The following BCAS3 variants were observed in gnomAD, a reference collection of about 807,000 sequenced individuals.
BCAS3 encodes the protein BCAS4/BCAS3 fusion.
BCAS3 carries 53 observed loss-of-function variants against 116.1 expected under a neutral mutation model. The observed-to-expected ratio is 0.46, with a 90% CI of 0.37 to 0.57. The LOEUF (loss-of-function observed/expected upper bound fraction) is 0.57, where lower values mean the gene tolerates loss of function less well. Among genes scored for constraint, BCAS3 ranks in the 20% least tolerant of loss-of-function variants. BCAS3 has a pLI of 0.00. For missense variants in BCAS3, 917 were observed against 1,165.4 expected (o/e 0.79, Z 3.10); for synonymous variants, 391 against 408.2 (o/e 0.96, Z 0.51).
chr17:60,752,155 G>GGGGT (rs1555694080), intron 6 of BCAS3, among the ~76,000 whole-genome samples: 2 of 144,678 alleles, frequency 1.4e-5, no homozygotes, highest in East Asian at 4.1e-4. Context: ...TTGGCTGAAG[G>GGGGT]GTGTGTGTGT....
chr17:61,038,684 T>C (rs2067256329), intron 18 of BCAS3, among the ~76,000 whole-genome samples: 1 of 147,970 alleles, frequency 6.8e-6, no homozygotes, highest in African/African-American at 2.5e-5. Flanking sequence ...TTTTTTTTTT[T>C]TTTGGAGACA....
chr17:60,969,694 A>G (rs2061849788), intron 14 of BCAS3, among the ~76,000 whole-genome samples: 1 of 152,242 alleles, frequency 6.6e-6, no homozygotes, highest in Non-Finnish European at 1.5e-5. Context: ...CAAACAACAC[A>G]TAAGATTAAG....
intron 6 of BCAS3, among the ~76,000 whole-genome samples, chr17:60,801,725 T>C (rs905506625): frequency 5.3e-5 from 8 of 152,220 alleles, no homozygotes; most frequent in South Asian, 4.1e-4. Flanking sequence ...GTGTTATCAC[T>C]GTCTTGAAAC....
chr17:60,684,058 C>T (rs746955029), intron 3 of BCAS3, 22 bp downstream of exon 3: 30 of 1,610,316 alleles, frequency 1.9e-5, no homozygotes, highest in Non-Finnish European at 2.5e-5. Flanking sequence ...TATGTGCTTT[C>T]GCCTTTCCCT....
rs146565292 is a variant in BCAS3 at position 61,314,741 on chromosome 17, C to G, written c.2426-53586C>G. Among the ~76,000 whole-genome samples, 358 of 152,296 alleles carry G rather than the reference C, an allele frequency of 2.4e-3. 4 individuals carry two copies. The highest frequency in any genetic ancestry group is 8.4e-3 in the African/African-American group (349 of 41,568). ...GTAAATCAAAACACAGGTCTTATCTCCCTATTCTCTCCCCTCTGTTGTGTG... is the reference window on the plus strand; with the variant it reads ...GTAAATCAAAACACAGGTCTTATCTGCCTATTCTCTCCCCTCTGTTGTGTG... On this transcript the variant is annotated intron_variant, in intron 22 of 23. Coordinates refer to ENST00000407086, the MANE Select transcript of BCAS3 (RefSeq NM_017679.5).
chr17:60,840,054 A>C (rs918850231), intron 7 of BCAS3, among the ~76,000 whole-genome samples: 28 of 152,092 alleles, frequency 1.8e-4, no homozygotes, highest in African/African-American at 5.5e-4. Flanking sequence ...TAAAAAAAAA[A>C]CCCTCTATTT....
In BCAS3 at chr17:61,156,256, GTCT is replaced by G. The variant is rs1276899499; in HGVS notation, c.2425+71697_2425+71699del. Among the ~76,000 whole-genome samples, 1 of 151,944 alleles carries G rather than the reference GTCT, an allele frequency of 6.6e-6. No individual in the cohort carries two copies. The highest frequency in any genetic ancestry group is 2.1e-4 in the South Asian group (1 of 4,816). On this transcript the variant is annotated intron_variant, in intron 22 of 23. Transcript: ENST00000407086. The surrounding 1 kb of genome is among the most constrained non-coding windows in gnomAD (Gnocchi z 4.7). Reference sequence around the variant, plus strand: ...AGTTTGGGTCAATGTATTCATTTTGGTCTTCTTTTCAGGGATTGGAATTGAGCC... The same window carrying G: ...AGTTTGGGTCAATGTATTCATTTTGGTCTTTTCAGGGATTGGAATTGAGCC...
chr17:60,854,223 T>C (rs1376142518), intron 7 of BCAS3, among the ~76,000 whole-genome samples: 1 of 152,218 alleles, frequency 6.6e-6, no homozygotes, highest in Non-Finnish European at 1.5e-5. Flanking sequence ...ACAAAGGACA[T>C]GAACTCATCC....
rs559645912 is a variant in BCAS3 at position 60,964,214 on chromosome 17, T to C, written c.1221+16862T>C. ...ATTATTTTGAAGTATGTTGTTTCTATACCCATTTTGATTAGGGGTTTTTTT... is the reference window on the plus strand; with the variant it reads ...ATTATTTTGAAGTATGTTGTTTCTACACCCATTTTGATTAGGGGTTTTTTT... On this transcript the variant is annotated intron_variant, in intron 14 of 23. Transcript: ENST00000407086. This position sits in a 1 kb window ranked among gnomAD's most constrained non-coding sequence, Gnocchi z 4.6. Among the ~76,000 whole-genome samples the C allele has an allele frequency of 6.6e-6, 1 of 152,218 alleles. No homozygotes were observed. The highest frequency in any genetic ancestry group is 1.5e-5 in the Non-Finnish European group (1 of 68,030).
At chr17:61,044,465 A>AAAAAAAAAAAAAATATATATATATATAT in intron 19 of BCAS3, among the ~76,000 whole-genome samples, 2 of 120,126 alleles carry the variant, frequency 1.7e-5, no homozygotes, top group African/African-American at 1.0e-4. Context: ...AAAAAAAAAA[A>AAAAAAAAAAAAAATATATATATATATAT]ATATATATAT....
At chr17:61,146,881 A>T (rs970943666) in intron 22 of BCAS3, among the ~76,000 whole-genome samples, 3 of 152,116 alleles carry the variant, frequency 2.0e-5, no homozygotes, top group Non-Finnish European at 4.4e-5. Context: ...AAACCCACTT[A>T]GTTTTTTTAA....
chr17:61,129,932 T>A (rs972873011), intron 22 of BCAS3, among the ~76,000 whole-genome samples: 2 of 152,204 alleles, frequency 1.3e-5, no homozygotes, highest in Non-Finnish European at 2.9e-5. Context: ...AAAAATAAAA[T>A]CCTTATCTGT....
At chr17:60,847,108 A>C (rs75797694) in intron 7 of BCAS3, among the ~76,000 whole-genome samples, 1 of 152,270 alleles carries the variant, frequency 6.6e-6, no homozygotes, top group African/African-American at 2.4e-5. Flanking sequence ...CTCACTTAGC[A>C]TAATGTTTGG....
chr17:60,896,530 T>C (rs2057521425), intron 10 of BCAS3, among the ~76,000 whole-genome samples: 1 of 152,216 alleles, frequency 6.6e-6, no homozygotes. Flanking sequence ...AGAACTGTTA[T>C]ATCCTCTTGC....
rs981895674 is a variant in BCAS3, at chr17:61,248,314, T to G, written c.2426-120013T>G. ...GGTTTAACATAATTTGTCTCTATGT[T>G]TTCTGTCTTGGGTAAAGGAATATAT... On this transcript the variant is annotated intron_variant, in intron 22 of 23. Transcript: ENST00000407086. The surrounding 1 kb of genome is among the most constrained non-coding windows in gnomAD (Gnocchi z 4.3). 6.6e-6 allele frequency among the ~76,000 whole-genome samples: 1 copy of G among 152,212 alleles called. No homozygotes were observed. Among genetic ancestry groups the G allele is most frequent in the Non-Finnish European group, 1.5e-5 (1 of 68,036 alleles).
intron 9 of BCAS3, 67 bp downstream of exon 9, chr17:60,874,805 A>C: frequency 1.0e-6 from 1 of 962,016 alleles, no homozygotes; most frequent in Non-Finnish European, 1.6e-6. Context: ...CACAATCAGC[A>C]AACTAACTGT....
chr17:60,849,261 C>T (rs74257527), intron 7 of BCAS3, among the ~76,000 whole-genome samples: 4,583 of 151,714 alleles, frequency 0.03, 178 homozygotes, highest in East Asian at 0.091. Context: ...ATTTCACAAA[C>T]TGAATCTCTG....
rs558473488 is a variant in BCAS3 at position 61,143,633 on chromosome 17, A to AC, written c.2425+59073dup. Among the ~76,000 whole-genome samples, 36 of 151,650 alleles carry AC rather than the reference A, an allele frequency of 2.4e-4. No homozygotes were observed. In the East Asian group the frequency reaches 6.6e-3, roughly 28 times the overall value. The stretch of plus-strand genomic sequence containing the variant: ...GAGACCAGCTGGCCAATATGGCGAG[A>AC]CCCCGCCTCTACTAAAAGTACAAAA... On this transcript the variant is annotated intron_variant, in intron 22 of 23. Transcript: ENST00000407086.
At position 61,065,272 on chromosome 17, in the gene BCAS3, T is replaced by C. The variant is rs1014778276; in HGVS notation, c.2030-9648T>C. Among the ~76,000 whole-genome samples the C allele has an allele frequency of 2.0e-5, 3 of 152,184 alleles. No homozygotes were observed. The highest frequency in any genetic ancestry group is 7.2e-5 in the African/African-American group (3 of 41,464). ...CATTTTGCTTTTGGATTATTTGTCT[T>C]CTGAACCTTTGTTTTAAAATGGCAA... is the stretch of plus-strand genomic sequence containing the variant. On this transcript the variant is annotated intron_variant, in intron 19 of 23. Transcript: ENST00000407086. This position sits in a 1 kb window ranked among gnomAD's most constrained non-coding sequence, Gnocchi z 4.8.
Sources: allele counts gnomAD v4.1 joint callset (sites outside exome capture counted in the v4.1 genomes callset), GRCh38; gene constraint gnomAD v4.1.1; non-coding constraint Gnocchi (gnomAD v3.1); transcripts MANE v1.5; gene names NCBI Gene and HGNC (gene_info 2026-07-23, HGNC 2026-07-21).